DISP1: variants seen among roughly 807,000 people sequenced by gnomAD.
The protein encoded by DISP1 is dispatched RND transporter family member 1.
A neutral mutation model predicts 37.3 loss-of-function variants in DISP1; 30 were observed. That is an observed-to-expected ratio of 0.80 (90% CI 0.60 to 1.09). The LOEUF is 1.09. Among genes scored for constraint, DISP1 ranks in the 50% least tolerant of loss-of-function variants. The probability of loss-of-function intolerance (pLI) is 0.00; values close to 1 mark genes in which losing one functional copy is unlikely to be tolerated. For synonymous variants in DISP1, 634 were observed against 690.2 expected, an observed-to-expected ratio of 0.92 and a Z score of 1.28; for missense variants, 1,598 against 1,879.5, an observed-to-expected ratio of 0.85 and a Z score of 2.77.
chr1:222,945,968 T>A (rs1215189763), intron 3 of DISP1: 1 of 152,180 alleles, frequency 6.6e-6, no homozygotes, highest in Non-Finnish European at 1.5e-5. Context: ...CACTCATACT[T>A]AATTTGAAAA....
chr1:222,889,685 G>T (rs1004561877), intron 1 of DISP1, among the ~76,000 whole-genome samples: 2 of 151,940 alleles, frequency 1.3e-5, no homozygotes, highest in Non-Finnish European at 2.9e-5. Context: ...ATGGGATAAT[G>T]GGTAAAAATA....
chr1:222,872,035 A>G (rs1257267629), intron 1 of DISP1, among the ~76,000 whole-genome samples: 2 of 152,068 alleles, frequency 1.3e-5, no homozygotes, highest in Non-Finnish European at 2.9e-5. Context: ...TTCTGCATCT[A>G]TTGAGATAAT....
At chr1:222,914,489 T>G (rs1456587097) in intron 1 of DISP1, among the ~76,000 whole-genome samples, 1 of 152,318 alleles carries the variant, frequency 6.6e-6, no homozygotes, top group South Asian at 2.1e-4. Context: ...TGCCTCCCTC[T>G]TTCTTTCACT....
intron 1 of DISP1, among the ~76,000 whole-genome samples, chr1:222,895,138 T>C (rs17163542): frequency 0.81 from 123,954 of 152,134 alleles, 50,692 homozygotes; most frequent in African/African-American, 0.9. Flanking sequence ...TACACTCACA[T>C]TTCTTAATTG....
In DISP1 at chr1:222,936,114, C is replaced by G. The variant is rs1030968642; in HGVS notation, c.-17-6693C>G. ...TTCATGTTTAGATATGTGTGGTAGA[C>G]AAATACCTGCATTACAGTTGTCTAC... On this transcript the variant is annotated intron_variant, in intron 2 of 8. Transcript: ENST00000675850. 2.0e-5 allele frequency among the ~76,000 whole-genome samples: 3 copies of G among 152,228 alleles called. No individual in the cohort carries two copies. The East Asian group carries it at 5.8e-4, about 29-fold the overall frequency.
chr1:222,945,152 G>A (rs991826421), intron 3 of DISP1, among the ~76,000 whole-genome samples: 2 of 152,216 alleles, frequency 1.3e-5, no homozygotes, highest in Admixed American at 6.5e-5. Context: ...TGGTAATAAA[G>A]CAGAAAGAAA....
chr1:222,870,091 C>T (rs1448320758), intron 1 of DISP1, among the ~76,000 whole-genome samples: 1 of 152,168 alleles, frequency 6.6e-6, no homozygotes, highest in Non-Finnish European at 1.5e-5. Context: ...TTTCCAGCTT[C>T]ATCCATGTCC....
intron 1 of DISP1, chr1:222,899,634 A>G (rs1048338760): frequency 1.3e-5 from 2 of 152,160 alleles, no homozygotes; most frequent in African/African-American, 4.8e-5. Flanking sequence ...GCTGTAGTGC[A>G]GTGGCATGAT....
At chr1:222,850,550 C>A (rs1251510482) in intron 1 of DISP1, among the ~76,000 whole-genome samples, 4 of 151,962 alleles carry the variant, frequency 2.6e-5, no homozygotes, top group African/African-American at 9.7e-5. Flanking sequence ...AGTTATTAAG[C>A]CTGGTACCCA....
rs563325266 is a variant in DISP1, at chr1:222,843,014, A to C, written c.-159+27936A>C. Among the ~76,000 whole-genome samples, 6 of 152,138 alleles carry C rather than the reference A, an allele frequency of 3.9e-5. No individual in the cohort carries two copies. In the South Asian group the frequency reaches 1.2e-3, roughly 32 times the overall value. On this transcript the variant is annotated intron_variant, in intron 1 of 8. Transcript: ENST00000675850. ...GAATGGCATTTAAAAATTATTAGAA[A>C]TTTGAGGTGGAATGCATCTTCCTTG...
intron 1 of DISP1, among the ~76,000 whole-genome samples, chr1:222,918,132 G>A (rs541823057): frequency 5.3e-5 from 8 of 152,114 alleles, no homozygotes; most frequent in East Asian, 1.9e-4. Flanking sequence ...GCCTGGACCC[G>A]GGCACCTCAA....
At chr1:222,982,936 G>T in intron 3 of DISP1, 144 bp from the exon 4 acceptor site, 3 of 629,940 alleles carry the variant, frequency 4.8e-6, no homozygotes, top group Non-Finnish European at 2.7e-6. Context: ...CAAATAGATT[G>T]CCTTTTTTTT....
At chr1:222,925,033 ACTTTT>A (rs1673006235) in intron 1 of DISP1, among the ~76,000 whole-genome samples, 1 of 152,162 alleles carries the variant, frequency 6.6e-6, no homozygotes, top group African/African-American at 2.4e-5. Flanking sequence ...GGTCACTAGT[ACTTTT>A]CTTTTCACTC....
At chr1:222,972,057 CT>C (rs1300578435) in intron 3 of DISP1, among the ~76,000 whole-genome samples, 1 of 152,012 alleles carries the variant, frequency 6.6e-6, no homozygotes, top group East Asian at 1.9e-4. Context: ...ACTAACTTCA[CT>C]TCAGTAGATA....
At chr1:222,832,289 G>T (rs559829836) in intron 1 of DISP1, among the ~76,000 whole-genome samples, 2 of 152,194 alleles carry the variant, frequency 1.3e-5, no homozygotes, top group African/African-American at 4.8e-5. Context: ...TTTACTACTT[G>T]TTGGCTTAAT....
At chr1:222,842,424 A>G (rs1486241794) in intron 1 of DISP1, among the ~76,000 whole-genome samples, 2 of 151,890 alleles carry the variant, frequency 1.3e-5, no homozygotes, top group Non-Finnish European at 2.9e-5. Context: ...GAAGGAGATT[A>G]TAGCTATACT....
chr1:222,851,050 A>G (rs1250169646), intron 1 of DISP1, among the ~76,000 whole-genome samples: 4 of 148,834 alleles, frequency 2.7e-5, no homozygotes, highest in Non-Finnish European at 5.9e-5. Context: ...TTTTATGAAT[A>G]TGCATTTTTA....
rs368046278 is a variant in DISP1, at chr1:222,938,787, G to A, written c.-17-4020G>A. Among the ~76,000 whole-genome samples the A allele has an allele frequency of 4.7e-5, 7 of 149,094 alleles. No individual in the cohort carries two copies. In the East Asian group the frequency reaches 5.9e-4, roughly 13 times the overall value. Reference sequence around the variant, plus strand: ...AGGAAGGAAGGAAGGAAGGAAGGACGGGATGAAGAGGGGGAAGGGATGATC... The same window carrying A: ...AGGAAGGAAGGAAGGAAGGAAGGACAGGATGAAGAGGGGGAAGGGATGATC... On this transcript the variant is annotated intron_variant, in intron 2 of 8. Transcript: ENST00000675850.
At chr1:222,989,979 T>C (rs1678575109) in intron 4 of DISP1, among the ~76,000 whole-genome samples, 2 of 152,074 alleles carry the variant, frequency 1.3e-5, no homozygotes, top group African/African-American at 2.4e-5. Flanking sequence ...ATTTTTTGTA[T>C]TTTTAGTAAA....
Sources: allele counts gnomAD v4.1 joint callset (sites outside exome capture counted in the v4.1 genomes callset), GRCh38; gene constraint gnomAD v4.1.1; transcripts MANE v1.5; gene names NCBI Gene and HGNC (gene_info 2026-07-23, HGNC 2026-07-21).